Variants in MYO1B observed in about 807,000 individuals in gnomAD.
MYO1B encodes the protein myosin IB, also known as unconventional myosin-Ib.
MYO1B carries 72 observed loss-of-function variants against 159.7 expected under a neutral mutation model. That is an observed-to-expected ratio of 0.45 (90% CI 0.37 to 0.55). The LOEUF is 0.55. Ranked by LOEUF, MYO1B falls within the 20% of genes least tolerant of loss-of-function variation. The pLI is 0.00. For synonymous variants in MYO1B, 468 were observed against 473.8 expected (o/e 0.99, Z 0.16); for missense variants, 1,062 against 1,364.8 (o/e 0.78, Z 3.50).
In MYO1B at chr2:191,364,350, A is replaced by AT. The variant is rs1278573349; in HGVS notation, c.1032+78dup. 84 of 1,242,258 alleles carry AT rather than the reference A, an allele frequency of 6.8e-5. No homozygotes were observed. In the East Asian group the frequency reaches 1.9e-3, roughly 28 times the overall value. The allele number at this position is 1,242,258 out of a possible 1,614,324, so 77.0% of individuals were successfully genotyped here. A position where few individuals can be genotyped will look rare whatever the true frequency, so the allele number is the denominator to read the frequency against. On this transcript the variant is annotated intron_variant, in intron 11 of 30. Coordinates refer to ENST00000392318, the MANE Select transcript of MYO1B (RefSeq NM_001130158.3). ...AATTTTCATATAAGTATAAACAAAG[A>AT]TTTTAGTTTACAGGCTGTTACCTGA...
intron 18 of MYO1B, 146 bp downstream of exon 18, chr2:191,390,638 A>C: frequency 1.1e-6 from 1 of 944,354 alleles, no homozygotes. Flanking sequence ...TTAGGATACC[A>C]TTTTGTGCTA....
chr2:191,398,414 G>A (rs1171435556), intron 21 of MYO1B, among the ~76,000 whole-genome samples: 2 of 56,424 alleles, frequency 3.5e-5, no homozygotes, highest in Admixed American at 2.2e-4. Context: ...CTGGCCGGGC[G>A]GGGGGCTGAC....
At chr2:191,319,650 A>C (rs1690573860) in intron 3 of MYO1B, among the ~76,000 whole-genome samples, 1 of 152,306 alleles carries the variant, frequency 6.6e-6, no homozygotes, top group Non-Finnish European at 1.5e-5. Context: ...CATTAGGATC[A>C]TGTCAGTCAA....
At chr2:191,341,144 A>T (rs1047037641) in intron 4 of MYO1B, among the ~76,000 whole-genome samples, 1 of 152,136 alleles carries the variant, frequency 6.6e-6, no homozygotes, top group Admixed American at 6.5e-5. Flanking sequence ...GCTTATCAGT[A>T]TATAATATAA....
At chr2:191,407,325 A>G (rs1407728267) in intron 24 of MYO1B, among the ~76,000 whole-genome samples, 1 of 152,226 alleles carries the variant, frequency 6.6e-6, no homozygotes, top group Non-Finnish European at 1.5e-5. Flanking sequence ...AATTATTCAG[A>G]TAGGCTAATA....
intron 13 of MYO1B, among the ~76,000 whole-genome samples, chr2:191,379,036 C>T (rs1366836696): frequency 1.3e-5 from 2 of 152,150 alleles, no homozygotes; most frequent in African/African-American, 4.8e-5. Context: ...GAAGAACCCT[C>T]CCCTAGCAAA....
chr2:191,395,596 C>T (rs1464209390), intron 20 of MYO1B, among the ~76,000 whole-genome samples: 1 of 152,256 alleles, frequency 6.6e-6, no homozygotes, highest in Non-Finnish European at 1.5e-5. Context: ...TGTAAAAGCT[C>T]ACTTTTCTAG....
chr2:191,386,833 A>C (rs1008567050), intron 16 of MYO1B, among the ~76,000 whole-genome samples: 4 of 152,212 alleles, frequency 2.6e-5, no homozygotes, highest in Admixed American at 2.6e-4. Flanking sequence ...GATATTTATG[A>C]AAGTGTTAGT....
chr2:191,253,229 A>G (rs923740369), intron 1 of MYO1B, among the ~76,000 whole-genome samples: 1 of 152,190 alleles, frequency 6.6e-6, no homozygotes, highest in African/African-American at 2.4e-5. Flanking sequence ...CCCAAGAGAA[A>G]GATACAGTAT....
At chr2:191,389,247 G>T (rs573168766) in intron 17 of MYO1B, among the ~76,000 whole-genome samples, 1 of 152,342 alleles carries the variant, frequency 6.6e-6, no homozygotes, top group Admixed American at 6.5e-5. Flanking sequence ...AGATGTAGTT[G>T]TCCACGTAAG....
intron 29 of MYO1B, 69 bp from the exon 30 acceptor site, chr2:191,416,046 G>A (rs1697541926): frequency 6.6e-7 from 1 of 1,516,410 alleles, no homozygotes; most frequent in Non-Finnish European, 8.9e-7. Flanking sequence ...TATGTTTTTA[G>A]CCAAGCCTGT....
chr2:191,343,545 G>A lies in MYO1B; in HGVS notation c.451+1980G>A, dbSNP rs184912520. On this transcript the variant is annotated intron_variant, in intron 5 of 30. Coordinates refer to ENST00000392318, the MANE Select transcript of MYO1B (RefSeq NM_001130158.3). ...TCCTCCATTGCAATATCTTAATAAC[G>A]AAGCTATTATGGAAAGCGATATCTC... Among the ~76,000 whole-genome samples the A allele has an allele frequency of 3.9e-5, 6 of 152,278 alleles. No homozygotes were observed. The East Asian group carries it at 9.6e-4, about 24-fold the overall frequency.
chr2:191,406,284 A>G (rs886272310), intron 24 of MYO1B, among the ~76,000 whole-genome samples: 2 of 152,210 alleles, frequency 1.3e-5, no homozygotes, highest in Admixed American at 6.5e-5. Context: ...CTTATCAGCA[A>G]TGAAGCTGTT....
intron 3 of MYO1B, among the ~76,000 whole-genome samples, chr2:191,298,179 A>C (rs777298975): frequency 6.6e-6 from 1 of 152,322 alleles, no homozygotes; most frequent in Non-Finnish European, 1.5e-5. Context: ...ACTAAAGATT[A>C]TTTATTATTT....
chr2:191,326,712 T>G (rs531837804), intron 3 of MYO1B, among the ~76,000 whole-genome samples: 1 of 151,312 alleles, frequency 6.6e-6, no homozygotes, highest in Admixed American at 6.6e-5. Context: ...TTCTTTGAGT[T>G]AAAATGAACT....
intron 2 of MYO1B, among the ~76,000 whole-genome samples, chr2:191,294,394 GTTGA>G (rs1320310608): frequency 6.6e-6 from 1 of 152,186 alleles, no homozygotes; most frequent in African/African-American, 2.4e-5. Flanking sequence ...CTTAAAGAAG[GTTGA>G]TTTTTTTAAC....
intron 3 of MYO1B, 45 bp from the exon 4 acceptor site, chr2:191,329,890 T>G (rs766433619): frequency 2.6e-6 from 4 of 1,540,814 alleles, no homozygotes; most frequent in Non-Finnish European, 3.6e-6. Flanking sequence ...AAACACATAA[T>G]AATGATCTGA....
chr2:191,251,290 C>T (rs1173595674), intron 1 of MYO1B, among the ~76,000 whole-genome samples: 1 of 152,226 alleles, frequency 6.6e-6, no homozygotes, highest in African/African-American at 2.4e-5. Context: ...GCATCCAGTC[C>T]TGGAGCTCGC....
At chr2:191,419,105 G>A (rs962872962) in intron 30 of MYO1B, among the ~76,000 whole-genome samples, 8 of 152,172 alleles carry the variant, frequency 5.3e-5, no homozygotes, top group African/African-American at 1.4e-4. Context: ...TGCTGCTGGT[G>A]TAAACAAACC....
Sources: allele counts gnomAD v4.1 joint callset (sites outside exome capture counted in the v4.1 genomes callset), GRCh38; gene constraint gnomAD v4.1.1; transcripts MANE v1.5; gene names NCBI Gene and HGNC (gene_info 2026-07-23, HGNC 2026-07-21).